The following INPP4B variants were observed in gnomAD, a reference collection of about 807,000 sequenced individuals.
The protein encoded by INPP4B is inositol polyphosphate-4-phosphatase type II B.
INPP4B carries 55 observed loss-of-function variants against 122.5 expected under a neutral mutation model. That is an observed-to-expected ratio of 0.45 (90% CI 0.36 to 0.56). INPP4B has a LOEUF of 0.56. Among genes scored for constraint, INPP4B ranks in the 20% least tolerant of loss-of-function variants. The pLI is 0.00. For synonymous variants in INPP4B, 403 were observed against 388.7 expected (o/e 1.04, Z -0.43); for missense variants, 1,000 against 1,097.7 (o/e 0.91, Z 1.26).
intron 25 of INPP4B, among the ~76,000 whole-genome samples, chr4:142,040,267 G>A (rs1290310363): frequency 2.0e-5 from 3 of 152,180 alleles, no homozygotes; most frequent in Non-Finnish European, 4.4e-5. Context: ...AGGGGATGCT[G>A]CAGGATGCAT....
intron 7 of INPP4B, among the ~76,000 whole-genome samples, chr4:142,352,613 C>G (rs1275188037): frequency 6.6e-6 from 1 of 151,742 alleles, no homozygotes; most frequent in Non-Finnish European, 1.5e-5. Context: ...CTTCAGCTCC[C>G]TTTTGGGGGT....
intron 25 of INPP4B, among the ~76,000 whole-genome samples, chr4:142,064,532 G>A (rs1244702219): frequency 6.6e-6 from 1 of 151,926 alleles, no homozygotes; most frequent in Non-Finnish European, 1.5e-5. Context: ...TTTTTTAATG[G>A]CAACTACAGA....
At chr4:142,523,627 T>C (rs1826399238) in intron 2 of INPP4B, among the ~76,000 whole-genome samples, 2 of 152,116 alleles carry the variant, frequency 1.3e-5, no homozygotes, top group Admixed American at 1.3e-4. Context: ...TGCTTTTAGC[T>C]TTTCTTTTTT....
chr4:142,169,569 A>C (rs1395634724), intron 16 of INPP4B, among the ~76,000 whole-genome samples: 1 of 151,704 alleles, frequency 6.6e-6, no homozygotes, highest in Non-Finnish European at 1.5e-5. Context: ...TATATGTTTC[A>C]GAATACAATA....
chr4:142,716,772 C>T (rs915136991), intron 2 of INPP4B, among the ~76,000 whole-genome samples: 6 of 152,126 alleles, frequency 3.9e-5, no homozygotes, highest in African/African-American at 9.7e-5. Context: ...CATTGTGAAA[C>T]GACCTCAATT....
At chr4:142,325,212 A>T (rs570836642) in intron 7 of INPP4B, among the ~76,000 whole-genome samples, 3 of 152,104 alleles carry the variant, frequency 2.0e-5, no homozygotes, top group Admixed American at 2.0e-4. Context: ...CCCAAACCGA[A>T]CTCCTTAATA....
At chr4:142,802,274 A>C (rs1248722505) in intron 1 of INPP4B, among the ~76,000 whole-genome samples, 1 of 152,232 alleles carries the variant, frequency 6.6e-6, no homozygotes, top group East Asian at 1.9e-4. Context: ...GAGACTGTTT[A>C]GTAGGCATTT....
chr4:142,515,006 G>A (rs551870100), intron 2 of INPP4B, among the ~76,000 whole-genome samples: 2 of 151,774 alleles, frequency 1.3e-5, no homozygotes, highest in South Asian at 2.1e-4. Flanking sequence ...ACGTTGGCCA[G>A]GCTGGTCTTA....
At chr4:142,580,950 T>C (rs1734926567) in intron 2 of INPP4B, among the ~76,000 whole-genome samples, 1 of 152,092 alleles carries the variant, frequency 6.6e-6, no homozygotes, top group Non-Finnish European at 1.5e-5. Flanking sequence ...ATGTCCTAAT[T>C]GTACAATATG....
intron 2 of INPP4B, among the ~76,000 whole-genome samples, chr4:142,466,805 C>A (rs1817876395): frequency 6.6e-6 from 1 of 152,142 alleles, no homozygotes. Flanking sequence ...GGCCCCATTG[C>A]CCTGATCCGC....
In INPP4B at chr4:142,024,480, A is replaced by T. The variant is rs1736408557; in HGVS notation, c.*4302T>A. 6.6e-6 allele frequency: 1 copy of T among 152,160 alleles called. No homozygotes were observed. The highest frequency in any genetic ancestry group is 2.1e-4 in the South Asian group (1 of 4,834). 9.4% of individuals were successfully genotyped at this position (152,160 alleles called of 1,614,324 possible). ...TGTTTCCTTCCCTCTGTAACTGATG[A>T]TCACAGTTTTTTTAGACAAGTTTCC... On this transcript the variant is annotated 3_prime_UTR_variant, in exon 26 of 26. Coordinates refer to ENST00000262992, the MANE Select transcript of INPP4B (RefSeq NM_001101669.3).
Position 142,635,266 on chromosome 4 carries a change from TAA to T in INPP4B, c.-191+90571_-191+90572del, listed in dbSNP as rs1325984522. ...CACTTATACACTGTTAGTGTGAGTTTAAATTAGCTCAATTATTGTGGAAGGCA... is the reference window on the plus strand; with the variant it reads ...CACTTATACACTGTTAGTGTGAGTTTATTAGCTCAATTATTGTGGAAGGCA... On this transcript the variant is annotated intron_variant, in intron 2 of 25. Coordinates refer to ENST00000262992, the MANE Select transcript of INPP4B (RefSeq NM_001101669.3). Among the ~76,000 whole-genome samples the T allele has an allele frequency of 2.0e-5, 3 of 152,154 alleles. No individual in the cohort carries two copies. The East Asian group carries it at 5.8e-4, about 29-fold the overall frequency.
intron 2 of INPP4B, among the ~76,000 whole-genome samples, chr4:142,634,849 G>C (rs1018207269): frequency 1.3e-5 from 2 of 151,950 alleles, no homozygotes; most frequent in South Asian, 4.2e-4. Flanking sequence ...AAAGGTATAA[G>C]AACTGGAAAA....
At chr4:142,436,225 AG>A (rs1810482214) in intron 3 of INPP4B, among the ~76,000 whole-genome samples, 1 of 152,150 alleles carries the variant, frequency 6.6e-6, no homozygotes, top group Admixed American at 6.5e-5. Context: ...CAACAACTCC[AG>A]CCAGGTGCTC....
At chr4:142,031,527 A>G (rs991302572) in intron 25 of INPP4B, among the ~76,000 whole-genome samples, 1 of 152,194 alleles carries the variant, frequency 6.6e-6, no homozygotes, top group Non-Finnish European at 1.5e-5. Flanking sequence ...ATGGTTTGGT[A>G]GAACCTAAGG....
intron 25 of INPP4B, 157 bp from the exon 26 acceptor site, chr4:142,029,071 T>C: frequency 7.2e-7 from 1 of 1,396,828 alleles, no homozygotes; most frequent in Non-Finnish European, 9.3e-7. Context: ...TCTTACAAAA[T>C]TAAATCCTAG....
intron 7 of INPP4B, among the ~76,000 whole-genome samples, chr4:142,385,868 ATAAT>A (rs1264932924): frequency 1.3e-5 from 2 of 152,210 alleles, no homozygotes; most frequent in Non-Finnish European, 1.5e-5. Flanking sequence ...TTAAATCATG[ATAAT>A]TAAATAATCT....
At chr4:142,288,009 T>G (rs1754619867) in intron 9 of INPP4B, among the ~76,000 whole-genome samples, 1 of 152,134 alleles carries the variant, frequency 6.6e-6, no homozygotes, top group Non-Finnish European at 1.5e-5. Context: ...GTATCCCTTC[T>G]TATAAGAGCA....
At chr4:142,159,314 T>A (rs1818852133) in intron 17 of INPP4B, among the ~76,000 whole-genome samples, 1 of 151,870 alleles carries the variant, frequency 6.6e-6, no homozygotes, top group Admixed American at 6.6e-5. Context: ...AATATTAGAT[T>A]TGCTCTTTGA....
Sources: gnomAD v4.1 joint callset for allele counts (sites outside exome capture counted in the v4.1 genomes callset) on GRCh38, gnomAD v4.1.1 for gene constraint, MANE v1.5 for transcripts, NCBI Gene and HGNC (gene_info 2026-07-23, HGNC 2026-07-21) for gene names.